LRP2: variants seen among roughly 807,000 people sequenced by gnomAD.
LRP2 encodes LDL receptor related protein 2, also known as low-density lipoprotein receptor-related protein 2.
LRP2 carries 172 observed loss-of-function variants against 531.0 expected under a neutral mutation model. That is an observed-to-expected ratio of 0.32 (90% CI 0.29 to 0.37). The LOEUF (loss-of-function observed/expected upper bound fraction) is 0.37. Among genes scored for constraint, LRP2 ranks in the 10% least tolerant of loss-of-function variants. The probability of loss-of-function intolerance (pLI) is 1.00; values close to 1 mark genes in which losing one functional copy is unlikely to be tolerated. For synonymous variants in LRP2, 1,992 were observed against 2,027.6 expected (o/e 0.98, Z 0.47); for missense variants, 5,167 against 5,868.3 (o/e 0.88, Z 3.90).
rs1268642541 is a variant in LRP2, at chr2:169,284,266, T to C, written c.1043-1265A>G. On this transcript the variant is annotated intron_variant, in intron 9 of 78. Coordinates refer to ENST00000649046, the MANE Select transcript of LRP2 (RefSeq NM_004525.3). ...CTTTTTCTTTTTTTTCTTTTTTTTTTTTTTTTTTTTTTTTTTGAGATGGAG... is the reference window on the plus strand; with the variant it reads ...CTTTTTCTTTTTTTTCTTTTTTTTTCTTTTTTTTTTTTTTTTGAGATGGAG... Among the ~76,000 whole-genome samples the C allele has an allele frequency of 1.3e-4, 17 of 126,884 alleles. 1 individual carries two copies. The highest frequency in any genetic ancestry group is 4.6e-4 in the East Asian group (2 of 4,390). The allele number at this position is 126,884 out of a possible 152,430, so 83.2% of individuals were successfully genotyped here.
intron 46 of LRP2, among the ~76,000 whole-genome samples, chr2:169,194,716 CTTT>C (rs869249150): frequency 9.7e-6 from 1 of 102,984 alleles, no homozygotes; most frequent in Non-Finnish European, 1.9e-5. Flanking sequence ...TTGATCCAGA[CTTT>C]TTTTTTTTTT....
At chr2:169,268,884 T>G (rs1263122729) in intron 16 of LRP2, among the ~76,000 whole-genome samples, 3 of 152,188 alleles carry the variant, frequency 2.0e-5, no homozygotes, top group Non-Finnish European at 4.4e-5. Flanking sequence ...CTCCTTAAGC[T>G]GATAAGCAAC....
chr2:169,182,685 A>G, intron 50 of LRP2: 3 of 970,350 alleles, frequency 3.1e-6, no homozygotes, highest in Non-Finnish European at 3.7e-6. Context: ...TACAGTTTAA[A>G]TGGTGGAGTC....
At chr2:169,240,639 G>T in intron 25 of LRP2, 2 of 467,666 alleles carry the variant, frequency 4.3e-6, no homozygotes, top group Non-Finnish European at 3.8e-6. Flanking sequence ...TTTGTGATAA[G>T]TTCTGATTGA....
At position 169,177,890 on chromosome 2, in the gene LRP2, ATT is replaced by A; in HGVS notation, c.10304_10305del (p.Lys3435IlefsTer2). On this transcript the variant is annotated frameshift_variant, in exon 53 of 79. Transcript: ENST00000649046. LOFTEE classifies it high-confidence loss of function. ...AGTGTCTGTCTATTTGATCCATCAT[ATT>A]TGTTTCCCTTTTCCACTGTCCTTGT... ...WNTRTVEKGN[K>X]YDGSNRQTLV... The A allele has an allele frequency of 6.2e-7, 1 of 1,614,176 alleles. No homozygotes were observed. Among genetic ancestry groups the A allele is most frequent in the Non-Finnish European group, 8.5e-7 (1 of 1,180,028 alleles).
At chr2:169,171,926 A>T (rs1400098611) in intron 58 of LRP2, 89 bp downstream of exon 58, 4 of 1,459,070 alleles carry the variant, frequency 2.7e-6, no homozygotes, top group Non-Finnish European at 3.8e-6. Context: ...CCCATTGAGG[A>T]TCAATGACAT....
At chr2:169,356,517 T>C (rs1352311412) in intron 1 of LRP2, among the ~76,000 whole-genome samples, 1 of 152,226 alleles carries the variant, frequency 6.6e-6, no homozygotes, top group Non-Finnish European at 1.5e-5. Flanking sequence ...GAGGTAGATA[T>C]ATGTCCATTT....
In LRP2 at chr2:169,239,664, T is replaced by A. The variant is rs2105381164; in HGVS notation, c.4157A>T (p.Lys1386Met). 1 of 1,613,962 alleles carries A rather than the reference T, an allele frequency of 6.2e-7. No individual in the cohort carries two copies. The highest frequency in any genetic ancestry group is 1.6e-4 in the Middle Eastern group (1 of 6,062). Residue 1386 changes from lysine (K) to methionine (M), a missense_variant, in exon 26 of 79, where the codon AAG (lysine) becomes ATG (methionine). Lys to Met is a moderately conservative substitution (Grantham distance 95). This residue lies in a region of LRP2 where 2,811 missense variants were observed against 3,058.0 expected (regional missense o/e 0.92). Coordinates refer to ENST00000649046, the MANE Select transcript of LRP2 (RefSeq NM_004525.3). ...PLGFLLANDSKTCEDIDECDI... is the reference protein window; with the variant it reads ...PLGFLLANDSMTCEDIDECDI... ...ACATTCATCTATGTCTTCACAGGTC[T>A]TAGAATCATTGGCAAGTAAGAATCC...
intron 41 of LRP2, among the ~76,000 whole-genome samples, chr2:169,204,724 G>A (rs888904044): frequency 6.6e-6 from 1 of 152,096 alleles, no homozygotes; most frequent in African/African-American, 2.4e-5. Context: ...TTTCAAATAG[G>A]AGAATAAAGA....
rs773922897 is a variant in LRP2 at position 169,205,448 on chromosome 2, A to G, written c.7715+31T>C. 11 of 1,613,366 alleles carry G rather than the reference A, an allele frequency of 6.8e-6. No homozygotes were observed. In the South Asian group the frequency reaches 1.2e-4, roughly 18 times the overall value. On this transcript the variant is annotated intron_variant, in intron 41 of 78. Coordinates refer to ENST00000649046, the MANE Select transcript of LRP2 (RefSeq NM_004525.3). ...GGAAATGGAAGAAAAACCTCTTCTT[A>G]ACACCCACATGAGTAACCAGAGACA...
intron 26 of LRP2, among the ~76,000 whole-genome samples, 184 bp from the exon 27 acceptor site, chr2:169,238,486 ATAGT>A (rs1333439544): frequency 1.4e-5 from 2 of 147,994 alleles, no homozygotes; most frequent in Non-Finnish European, 3.0e-5. Context: ...CTTAACCTTA[ATAGT>A]TAGCTGGTTT....
chr2:169,216,332 C>T lies in LRP2; in HGVS notation c.5747G>A (p.Gly1916Glu), dbSNP rs1308098869. Residue 1916 changes from glycine to glutamate, a missense_variant, in exon 35 of 79, where the codon GGG becomes GAG. By Grantham distance (98) the Gly-to-Glu change is moderately conservative. Coordinates refer to ENST00000649046, the MANE Select transcript of LRP2 (RefSeq NM_004525.3). The part of the protein sequence containing the change: ...DGTSVKTLFT[G>E]NLEHLECVTL... ...GACACACTCCAGGTGTTCGAGGTTCCCAGTAAAGAGAGTTTTCACAGATGT... is the reference window on the plus strand; with the variant it reads ...GACACACTCCAGGTGTTCGAGGTTCTCAGTAAAGAGAGTTTTCACAGATGT... 1 of 1,613,504 alleles carries T rather than the reference C, an allele frequency of 6.2e-7. No homozygotes were observed. The highest frequency in any genetic ancestry group is 1.3e-5 in the African/African-American group (1 of 74,862).
rs527341340 is a variant in LRP2 at position 169,223,972 on chromosome 2, A to G, written c.5538+1338T>C. ...TCTCTGCCTGGGACACCTTTTCCCTATTTCTTCATTTGGCAGAAATAAAAA... is the reference window on the plus strand; with the variant it reads ...TCTCTGCCTGGGACACCTTTTCCCTGTTTCTTCATTTGGCAGAAATAAAAA... On this transcript the variant is annotated intron_variant, in intron 33 of 78. Transcript: ENST00000649046. Among the ~76,000 whole-genome samples, 5 of 152,174 alleles carry G rather than the reference A, an allele frequency of 3.3e-5. No individual in the cohort carries two copies. In the South Asian group the frequency reaches 1.0e-3, roughly 32 times the overall value.
At chr2:169,169,880 C>T in intron 59 of LRP2, 62 bp from the exon 60 acceptor site, 1 of 1,144,380 alleles carries the variant, frequency 8.7e-7, no homozygotes, top group Non-Finnish European at 1.3e-6. Context: ...TATTAGGTAC[C>T]TGGAGTATAG....
intron 48 of LRP2, among the ~76,000 whole-genome samples, chr2:169,189,887 A>G (rs1559005371): frequency 6.6e-6 from 1 of 152,098 alleles, no homozygotes; most frequent in South Asian, 2.1e-4. Flanking sequence ...AAAGGGAGGG[A>G]AAGTGAAGGA....
In LRP2 at chr2:169,137,649, C is replaced by CA. The variant is rs1160173051; in HGVS notation, c.13519-157dup. On this transcript the variant is annotated intron_variant, in intron 75 of 78. Transcript: ENST00000649046. ...CATAAGTTACCCAAAAGAGAACTTG[C>CA]AAAAAAAAAAAAAAAAAAAGGCCAG... Among the ~76,000 whole-genome samples the CA allele has an allele frequency of 0.093, 4,150 of 44,704 alleles. 384 individuals carry two copies. The highest frequency in any genetic ancestry group is 0.23 in the African/African-American group (3,327 of 14,416). 29.3% of individuals were successfully genotyped at this position (44,704 alleles called of 152,430 possible).
chr2:169,173,013 C>T, intron 57 of LRP2, 83 bp downstream of exon 57: 3 of 1,502,780 alleles, frequency 2.0e-6, no homozygotes, highest in South Asian at 1.1e-5. Flanking sequence ...ATGGGAAATA[C>T]ACTCTCATCT....
chr2:169,243,764 A>T (rs1689898745), intron 22 of LRP2, among the ~76,000 whole-genome samples: 1 of 152,204 alleles, frequency 6.6e-6, no homozygotes, highest in South Asian at 2.1e-4. Flanking sequence ...CACCTTGGAA[A>T]ATAGACCACA....
At chr2:169,196,313 A>G (rs1688002944) in intron 46 of LRP2, among the ~76,000 whole-genome samples, 1 of 152,226 alleles carries the variant, frequency 6.6e-6, no homozygotes, top group African/African-American at 2.4e-5. Flanking sequence ...GCAATGTAGA[A>G]GATTGTATTT....
Sources: gnomAD v4.1 joint callset for allele counts (sites outside exome capture counted in the v4.1 genomes callset) on GRCh38, gnomAD v4.1.1 for gene constraint, gnomAD v4.1.1 regional missense constraint, MANE v1.5 for transcripts, NCBI Gene and HGNC (gene_info 2026-07-23, HGNC 2026-07-21) for gene names.